The following CMSS1 variants were observed in gnomAD, a reference collection of about 807,000 sequenced individuals.
CMSS1 encodes cms1 ribosomal small subunit homolog, also known as protein CMSS1.
In CMSS1, 33 loss-of-function variants were observed where a neutral mutation model predicts 43.5. The observed-to-expected ratio is 0.76, with a 90% CI of 0.57 to 1.01. CMSS1 has a LOEUF of 1.01. Among genes scored for constraint, CMSS1 ranks in the 50% least tolerant of loss-of-function variants. CMSS1 has a pLI of 0.00. For missense variants in CMSS1, 313 were observed against 326.4 expected, an observed-to-expected ratio of 0.96 and a Z score of 0.32; for synonymous variants, 115 against 117.2, an observed-to-expected ratio of 0.98 and a Z score of 0.12.
chr3:100,052,522 C>G (rs908447953), intron 1 of CMSS1, among the ~76,000 whole-genome samples: 10 of 152,118 alleles, frequency 6.6e-5, no homozygotes, highest in Non-Finnish European at 4.4e-5. Flanking sequence ...TTAACTGAAC[C>G]TCTAAGTGAA....
At chr3:100,130,028 C>T (rs1166046755) in intron 1 of CMSS1, among the ~76,000 whole-genome samples, 1 of 152,140 alleles carries the variant, frequency 6.6e-6, no homozygotes, top group African/African-American at 2.4e-5. Flanking sequence ...GATATTATCT[C>T]CTACAAACTG....
intron 2 of CMSS1, among the ~76,000 whole-genome samples, chr3:100,148,521 C>T (rs1278718528): frequency 2.6e-5 from 4 of 152,140 alleles, no homozygotes; most frequent in Non-Finnish European, 5.9e-5. Context: ...GTTTGTGACC[C>T]AGCTCAGGAT....
intron 1 of CMSS1, among the ~76,000 whole-genome samples, chr3:99,983,471 T>TATAC (rs1709222944): frequency 6.5e-5 from 1 of 15,336 alleles, no homozygotes; most frequent in Non-Finnish European, 1.2e-4. Flanking sequence ...TGTGTATATA[T>TATAC]ATATATATAT....
intron 1 of CMSS1, among the ~76,000 whole-genome samples, chr3:100,115,633 C>T (rs202238891): frequency 7.0e-6 from 1 of 141,908 alleles, no homozygotes; most frequent in Non-Finnish European, 1.5e-5. Flanking sequence ...CTCTCTGTCT[C>T]TCTCTCTCAT....
chr3:100,074,056 G>A (rs559554945), intron 1 of CMSS1, among the ~76,000 whole-genome samples: 1 of 152,214 alleles, frequency 6.6e-6, no homozygotes, highest in South Asian at 2.1e-4. Context: ...GAAAAGGTTT[G>A]TGGGGGCCTT....
intron 1 of CMSS1, among the ~76,000 whole-genome samples, chr3:100,088,843 A>G (rs2066056195): frequency 6.6e-6 from 1 of 152,004 alleles, no homozygotes; most frequent in South Asian, 2.1e-4. Context: ...TTCTCTGGGT[A>G]GTATTTATTT....
intron 1 of CMSS1, among the ~76,000 whole-genome samples, chr3:100,104,818 A>C (rs774355809): frequency 2.6e-5 from 4 of 152,144 alleles, no homozygotes; most frequent in Non-Finnish European, 5.9e-5. Flanking sequence ...CCTTACCCCC[A>C]AAACTGGCTG....
intron 1 of CMSS1, among the ~76,000 whole-genome samples, chr3:99,889,261 C>T (rs927207938): frequency 1.3e-5 from 2 of 152,098 alleles, no homozygotes; most frequent in South Asian, 2.1e-4. Context: ...GCAATTCTTG[C>T]TTTACATATT....
At chr3:100,132,003 G>T (rs1042069866) in intron 1 of CMSS1, among the ~76,000 whole-genome samples, 1 of 152,086 alleles carries the variant, frequency 6.6e-6, no homozygotes, top group East Asian at 1.9e-4. Context: ...CTTTGAAATA[G>T]AGATAATTTT....
Position 100,163,414 on chromosome 3 carries a change from C to T in CMSS1, c.355+982C>T, listed in dbSNP as rs900885998. 2.0e-5 allele frequency among the ~76,000 whole-genome samples: 3 copies of T among 152,226 alleles called. 1 individual carries two copies. In the South Asian group the frequency reaches 6.2e-4, roughly 32 times the overall value. On this transcript the variant is annotated intron_variant, in intron 4 of 9. Coordinates refer to ENST00000421999, the MANE Select transcript of CMSS1 (RefSeq NM_032359.4). ...TAGGAACAAAATTCTGTATGTTTTG[C>T]GAGGCTGACACTTTGCCTCAAGGGA...
intron 1 of CMSS1, among the ~76,000 whole-genome samples, chr3:100,093,692 A>G (rs902594197): frequency 2.6e-5 from 4 of 152,106 alleles, no homozygotes; most frequent in African/African-American, 7.2e-5. Context: ...TATAGCCACA[A>G]CCATTTTCCT....
At chr3:100,154,208 T>C (rs1326150277) in intron 2 of CMSS1, among the ~76,000 whole-genome samples, 1 of 152,224 alleles carries the variant, frequency 6.6e-6, no homozygotes, top group Non-Finnish European at 1.5e-5. Context: ...ACATACAAGT[T>C]TCTTGGGGAA....
At chr3:100,143,564 T>C (rs1178357241) in intron 1 of CMSS1, among the ~76,000 whole-genome samples, 2 of 152,244 alleles carry the variant, frequency 1.3e-5, no homozygotes, top group Non-Finnish European at 2.9e-5. Flanking sequence ...TTATATCCTA[T>C]TGCTTGATGG....
chr3:99,893,437 T>C (rs1706155010), intron 1 of CMSS1, among the ~76,000 whole-genome samples: 1 of 152,152 alleles, frequency 6.6e-6, no homozygotes, highest in Non-Finnish European at 1.5e-5. Context: ...AGTGCTGGGA[T>C]TACAGGCTTG....
At chr3:99,893,144 A>G (rs1405780169) in intron 1 of CMSS1, among the ~76,000 whole-genome samples, 2 of 151,060 alleles carry the variant, frequency 1.3e-5, no homozygotes, top group Admixed American at 6.6e-5. Context: ...ATTTCCAGTA[A>G]CAAAATTGGC....
chr3:99,933,289 T>C (rs981877509), intron 1 of CMSS1, among the ~76,000 whole-genome samples: 3 of 152,192 alleles, frequency 2.0e-5, no homozygotes, highest in African/African-American at 7.2e-5. Flanking sequence ...ACGGTATAGA[T>C]GAACAATGAT....
At chr3:100,174,341 TTG>T (rs1240246484) in intron 8 of CMSS1, among the ~76,000 whole-genome samples, 2 of 152,120 alleles carry the variant, frequency 1.3e-5, no homozygotes, top group Non-Finnish European at 2.9e-5. Flanking sequence ...CCAGATTTTT[TTG>T]TGTGTCACCA....
chr3:100,125,257 C>A (rs1244776433), intron 1 of CMSS1, among the ~76,000 whole-genome samples: 1 of 152,158 alleles, frequency 6.6e-6, no homozygotes, highest in African/African-American at 2.4e-5. Flanking sequence ...TTTCTTCAGT[C>A]ATCTTTTGCA....
At chr3:100,031,976 C>T (rs1192212849) in intron 1 of CMSS1, among the ~76,000 whole-genome samples, 2 of 151,926 alleles carry the variant, frequency 1.3e-5, no homozygotes, top group Non-Finnish European at 2.9e-5. Flanking sequence ...ATGTATTTTT[C>T]ATGCATCATG....
Sources: gnomAD v4.1 joint callset for allele counts (sites outside exome capture counted in the v4.1 genomes callset) on GRCh38, gnomAD v4.1.1 for gene constraint, MANE v1.5 for transcripts, NCBI Gene and HGNC (gene_info 2026-07-23, HGNC 2026-07-21) for gene names.